RHEB: variants seen among roughly 807,000 people sequenced by gnomAD.
The protein encoded by RHEB is Ras homolog, mTORC1 binding.
In RHEB, 2 loss-of-function variants were observed where a neutral mutation model predicts 28.8. That is an observed-to-expected ratio of 0.07 (90% confidence interval 0.03 to 0.22). The LOEUF (loss-of-function observed/expected upper bound fraction) is 0.22, where lower values mean the gene tolerates loss of function less well. Among genes scored for constraint, RHEB ranks in the 10% least tolerant of loss-of-function variants. RHEB has a pLI of 1.00. For synonymous variants in RHEB, 69 were observed against 77.3 expected, an observed-to-expected ratio of 0.89 and a Z score of 0.56; for missense variants, 76 against 219.9, an observed-to-expected ratio of 0.35 and a Z score of 4.14.
chr7:151,485,997 G>C (rs1802467455), intron 2 of RHEB, among the ~76,000 whole-genome samples: 1 of 152,194 alleles, frequency 6.6e-6, no homozygotes, highest in Non-Finnish European at 1.5e-5. Context: ...AATATTTCAA[G>C]CTGGGGGGAT....
chr7:151,470,651 C>A lies in RHEB; in HGVS notation c.382G>T (p.Val128Leu). The A allele has an allele frequency of 6.2e-7, 1 of 1,600,920 alleles. No homozygotes were observed. The highest frequency in any genetic ancestry group is 8.5e-7 in the Non-Finnish European group (1 of 1,172,668). ...GNKKDLHMER[V>L]ISYEEGKALA... is the part of the protein sequence containing the mutation. Reference sequence around the variant, plus strand: ...GCTTTCCCTTCTTCATAACTGATCACCCTAAAGAAAAAATAAAATTCTAGT... The same window carrying A: ...GCTTTCCCTTCTTCATAACTGATCAACCTAAAGAAAAAATAAAATTCTAGT... Residue 128 changes from valine (V) to leucine (L), a missense_variant and splice_region_variant, in exon 7 of 8, where the codon GTG becomes TTG. Physicochemically the swap from Val to Leu is conservative, Grantham distance 32 (BLOSUM62 1). Transcript: ENST00000262187.
chr7:151,502,814 A>G, intron 1 of RHEB: 1 of 1,285,282 alleles, frequency 7.8e-7, no homozygotes, highest in Non-Finnish European at 1.1e-6. Context: ...TTCTGGGGAC[A>G]AAGTGAATGT....
chr7:151,502,418 C>T (rs994611842), intron 1 of RHEB: 1 of 807,836 alleles, frequency 1.2e-6, no homozygotes. Flanking sequence ...TACATCTATA[C>T]AACAAAGGCT....
intron 1 of RHEB, chr7:151,502,243 AAAAAG>A: frequency 1.9e-6 from 1 of 526,480 alleles, no homozygotes. Flanking sequence ...AAAAAAAAAA[AAAAAG>A]GAGCTTGGAG....
chr7:151,519,521 C>T lies in RHEB; in HGVS notation c.-10G>A. ...ACTTGGACTGCGGCATCTTGGCGGC[C>T]TCCTCAGCCCCGGCCCAACCACATC... On this transcript the variant is annotated 5_prime_UTR_variant, in exon 1 of 8. Coordinates refer to ENST00000262187, the MANE Select transcript of RHEB (RefSeq NM_005614.4). The T allele has an allele frequency of 1.9e-6, 3 of 1,549,568 alleles. No homozygotes were observed. The highest frequency in any genetic ancestry group is 2.6e-6 in the Non-Finnish European group (3 of 1,149,170).
chr7:151,516,173 G>A (rs1803074137), intron 1 of RHEB, among the ~76,000 whole-genome samples: 1 of 152,146 alleles, frequency 6.6e-6, no homozygotes, highest in Admixed American at 6.5e-5. Flanking sequence ...CAGACTCCCA[G>A]AGTTATAGGT....
chr7:151,519,584 G>C lies in RHEB; in HGVS notation c.-73C>G. The C allele has an allele frequency of 7.1e-6, 10 of 1,417,550 alleles. No individual in the cohort carries two copies. The South Asian group carries it at 1.3e-4, about 18-fold the overall frequency. The allele number at this position is 1,417,550 out of a possible 1,614,324, so 87.8% of individuals were successfully genotyped here. On this transcript the variant is annotated 5_prime_UTR_variant, in exon 1 of 8. Transcript: ENST00000262187. ...GGTGGCTCCTGCTGCTGTGATCGGC[G>C]GCGGCCGCGCCGGGAGAGAGCGGCA...
chr7:151,484,782 T>C lies in RHEB; in HGVS notation c.147A>G (p.Val49=), dbSNP rs145626610. Residue 49 remains valine (V), a synonymous_variant, in exon 3 of 8, where the codon GTA becomes GTG. Transcript: ENST00000262187. ...IENTFTKLIT[V]NGQEYHLQLV... ...GTTGAAGATGATATTCTTGTCCATT[T>C]ACTGTGATCAACTTTGTAAAAGCTA... 1 of 1,612,938 alleles carries C rather than the reference T, an allele frequency of 6.2e-7. No individual in the cohort carries two copies. Among genetic ancestry groups the C allele is most frequent in the Non-Finnish European group, 8.5e-7 (1 of 1,179,018 alleles).
At chr7:151,467,832 G>C (rs2150918733) in intron 7 of RHEB, among the ~76,000 whole-genome samples, 1 of 152,280 alleles carries the variant, frequency 6.6e-6, no homozygotes, top group African/African-American at 2.4e-5. Context: ...CCACAGACAG[G>C]AATCATGGCC....
intron 1 of RHEB, chr7:151,502,940 A>G: frequency 1.3e-6 from 1 of 787,090 alleles, no homozygotes; most frequent in Non-Finnish European, 2.3e-6. Context: ...TGGTGGTGAA[A>G]ATGGATTCAA....
At chr7:151,492,654 G>C (rs922416059) in intron 1 of RHEB, among the ~76,000 whole-genome samples, 1 of 151,430 alleles carries the variant, frequency 6.6e-6, no homozygotes, top group African/African-American at 2.4e-5. Context: ...GGGTTGCTGA[G>C]AAGGAAAGGC....
intron 1 of RHEB, among the ~76,000 whole-genome samples, chr7:151,497,500 A>C (rs1042153719): frequency 6.6e-6 from 1 of 152,168 alleles, no homozygotes; most frequent in Non-Finnish European, 1.5e-5. Context: ...AGCTCCTACC[A>C]GCAACTCAGT....
At chr7:151,492,523 A>C (rs747809367) in intron 1 of RHEB, among the ~76,000 whole-genome samples, 22 of 150,822 alleles carry the variant, frequency 1.5e-4, no homozygotes, top group Admixed American at 7.3e-4. Context: ...AGGCTGAGGC[A>C]GGAGGATAGT....
intron 4 of RHEB, among the ~76,000 whole-genome samples, chr7:151,474,132 G>C (rs1026920456): frequency 6.6e-6 from 1 of 152,034 alleles, no homozygotes; most frequent in Non-Finnish European, 1.5e-5. Flanking sequence ...CAAAACACTG[G>C]AGATTGACAT....
intron 1 of RHEB, among the ~76,000 whole-genome samples, chr7:151,504,117 T>A (rs552151418): frequency 6.6e-6 from 1 of 152,342 alleles, no homozygotes; most frequent in South Asian, 2.1e-4. Flanking sequence ...AACTGACTCA[T>A]GAAGCATTTG....
intron 1 of RHEB, among the ~76,000 whole-genome samples, chr7:151,512,093 A>G (rs930877298): frequency 1.3e-5 from 2 of 152,230 alleles, no homozygotes; most frequent in African/African-American, 2.4e-5. Flanking sequence ...TTCAGAATAA[A>G]TTAGAACTAA....
chr7:151,469,517 TC>T (rs3216484), intron 7 of RHEB, among the ~76,000 whole-genome samples: 57,627 of 151,940 alleles, frequency 0.38, 12,859 homozygotes, highest in South Asian at 0.59. Flanking sequence ...CGCCCGGCCC[TC>T]CCAGGGAGGA....
chr7:151,471,831 G>A (rs1351613255), intron 4 of RHEB: 2 of 470,678 alleles, frequency 4.2e-6, no homozygotes, highest in South Asian at 4.1e-5. Context: ...AACAGGTAAG[G>A]CATTCAAACG....
At chr7:151,514,435 C>T (rs1803041518) in intron 1 of RHEB, among the ~76,000 whole-genome samples, 1 of 151,938 alleles carries the variant, frequency 6.6e-6, no homozygotes, top group Admixed American at 6.6e-5. Flanking sequence ...AAGGACAACC[C>T]ACAGACAGGA....
Sources: gnomAD v4.1 joint callset for allele counts (sites outside exome capture counted in the v4.1 genomes callset) on GRCh38, gnomAD v4.1.1 for gene constraint, MANE v1.5 for transcripts, NCBI Gene and HGNC (gene_info 2026-07-23, HGNC 2026-07-21) for gene names.